Variants in CEACAM5 observed in about 807,000 individuals in gnomAD.
CEACAM5 encodes the protein cell adhesion molecule CEACAM5.
A neutral mutation model predicts 63.0 loss-of-function variants in CEACAM5; 52 were observed. That is an observed-to-expected ratio of 0.83 (90% CI 0.66 to 1.04). The LOEUF (loss-of-function observed/expected upper bound fraction) is 1.04, where lower values mean the gene tolerates loss of function less well. Ranked by LOEUF, CEACAM5 falls within the 50% of genes least tolerant of loss-of-function variation. The probability of loss-of-function intolerance (pLI) is 0.00; values close to 1 mark genes in which losing one functional copy is unlikely to be tolerated. For missense variants in CEACAM5, 790 were observed against 864.8 expected, an observed-to-expected ratio of 0.91 and a Z score of 1.08; for synonymous variants, 357 against 351.3, an observed-to-expected ratio of 1.02 and a Z score of -0.18.
At chr19:41,720,418 C>T (rs1360992745) in intron 7 of CEACAM5, among the ~76,000 whole-genome samples, 3 of 151,892 alleles carry the variant, frequency 2.0e-5, no homozygotes, top group African/African-American at 7.3e-5. Context: ...TCCTAGGAGG[C>T]TCAGAGTCCA....
At chr19:41,726,440 ATGGTTAC>A (rs1355244619) in intron 8 of CEACAM5, among the ~76,000 whole-genome samples, 1 of 152,228 alleles carries the variant, frequency 6.6e-6, no homozygotes, top group Non-Finnish European at 1.5e-5. Context: ...CCACTAGGAC[ATGGTTAC>A]TGGCTAAAAA....
At position 41,720,042 on chromosome 19, in the gene CEACAM5, G is replaced by A. The variant is rs562531881; in HGVS notation, c.1605G>A (p.Trp535Ter). 112 of 1,614,242 alleles carry A rather than the reference G, an allele frequency of 6.9e-5. No homozygotes were observed. The South Asian group carries it at 1.2e-3, about 17-fold the overall frequency. ...CTCAGAACACAACCTACCTGTGGTG[G>A]GTAAATGGTCAGAGCCTCCCAGTCA... The part of the protein sequence containing the change: ...PEAQNTTYLW[W>*]VNGQSLPVSP... The change falls in exon 7 of 10, where the codon TGG (tryptophan) becomes TGA (stop). Residue 535 changes from tryptophan to a stop codon, truncating the protein, a stop_gained. Transcript: ENST00000221992. LOFTEE classifies it high-confidence loss of function.
chr19:41,727,288 G>A lies in CEACAM5; in HGVS notation c.2081G>A (p.Gly694Glu). The A allele has an allele frequency of 6.2e-7, 1 of 1,614,080 alleles. No individual in the cohort carries two copies. The change falls in exon 9 of 10, where the codon GGA (glycine) becomes GAA (glutamate). Residue 694 changes from glycine to glutamate, a missense_variant. By Grantham distance (98) the Gly-to-Glu change is moderately conservative. Coordinates refer to ENST00000221992, the MANE Select transcript of CEACAM5 (RefSeq NM_004363.6). ...SAGATVGIMIGVLVGVALI is the reference protein window; with the variant it reads ...SAGATVGIMIEVLVGVALI The stretch of plus-strand genomic sequence containing the variant: ...GGGGCCACTGTCGGCATCATGATTG[G>A]AGTGCTGGTTGGGGTTGCTCTGATA...
At chr19:41,715,434 A>G in intron 3 of CEACAM5, 185 bp downstream of exon 3, 1 of 1,132,934 alleles carries the variant, frequency 8.8e-7, no homozygotes, top group Non-Finnish European at 1.3e-6. Flanking sequence ...ATAGGAGGGG[A>G]GGGGCTGCTT....
In CEACAM5 at chr19:41,721,036, T is replaced by C. The variant is rs2072613179; in HGVS notation, c.1886T>C (p.Ile629Thr). ...SNPSPQYSWRINGIPQQHTQV... is the reference protein window; with the variant it reads ...SNPSPQYSWRTNGIPQQHTQV... Reference sequence around the variant, plus strand: ...CCATCCCCGCAGTATTCTTGGCGTATCAATGGGATACCGCAGCAACACACA... The same window carrying C: ...CCATCCCCGCAGTATTCTTGGCGTACCAATGGGATACCGCAGCAACACACA... The change falls in exon 8 of 10, where the codon ATC becomes ACC. Residue 629 changes from isoleucine (I) to threonine (T), a missense_variant. Ile to Thr is a moderately conservative substitution (Grantham distance 89). Coordinates refer to ENST00000221992, the MANE Select transcript of CEACAM5 (RefSeq NM_004363.6). 5 of 1,614,094 alleles carry C rather than the reference T, an allele frequency of 3.1e-6. No individual in the cohort carries two copies. The highest frequency in any genetic ancestry group is 4.2e-6 in the Non-Finnish European group (5 of 1,180,050).
chr19:41,713,285 C>CA (rs1291812767), intron 2 of CEACAM5, among the ~76,000 whole-genome samples: 1 of 151,624 alleles, frequency 6.6e-6, no homozygotes, highest in Non-Finnish European at 1.5e-5. Flanking sequence ...AGCCTGGCAA[C>CA]AGAGCGAGAC....
intron 6 of CEACAM5, among the ~76,000 whole-genome samples, chr19:41,719,635 A>G (rs774957123): frequency 6.6e-5 from 10 of 152,206 alleles, no homozygotes; most frequent in Non-Finnish European, 1.2e-4. Context: ...CCATCAGGGA[A>G]GAACCAAAGG....
In CEACAM5 at chr19:41,717,709, G is replaced by T; in HGVS notation, c.1213G>T (p.Asp405Tyr). The T allele has an allele frequency of 6.2e-7, 1 of 1,614,078 alleles. No homozygotes were observed. The highest frequency in any genetic ancestry group is 8.5e-7 in the Non-Finnish European group (1 of 1,179,982). ...IQNELSVDHSDPVILNVLYGP... is the reference protein window; with the variant it reads ...IQNELSVDHSYPVILNVLYGP... ...GAACGAATTAAGTGTTGACCACAGC[G>T]ACCCAGTCATCCTGAATGTCCTCTG... Residue 405 changes from aspartate to tyrosine, a missense_variant, in exon 5 of 10, where the codon GAC (aspartate) becomes TAC (tyrosine). Transcript: ENST00000221992.
chr19:41,709,430 G>C (rs1310264966), intron 1 of CEACAM5, among the ~76,000 whole-genome samples: 1 of 152,102 alleles, frequency 6.6e-6, no homozygotes, highest in Non-Finnish European at 1.5e-5. Flanking sequence ...GAAGGCAATG[G>C]GGAGGGAGCC....
chr19:41,719,005 T>G (rs1405101684), intron 6 of CEACAM5, among the ~76,000 whole-genome samples: 2 of 152,160 alleles, frequency 1.3e-5, no homozygotes, highest in African/African-American at 4.8e-5. Context: ...AGGGTCAGGC[T>G]ACAGGGAAAT....
Position 41,720,981 on chromosome 19 carries a change from C to T in CEACAM5, c.1831C>T (p.Leu611Phe). Residue 611 changes from leucine to phenylalanine, a missense_variant, in exon 8 of 10, where the codon CTC becomes TTC. Leu to Phe is a conservative substitution (Grantham distance 22). Transcript: ENST00000221992. Reference protein sequence around the residue: ...PDSSYLSGANLNLSCHSASNP... With the variant: ...PDSSYLSGANFNLSCHSASNP... ...CTCGTCTTACCTTTCGGGAGCGAAC[C>T]TCAACCTCTCCTGCCACTCGGCCTC... is the stretch of plus-strand genomic sequence containing the variant. 6.2e-7 allele frequency: 1 copy of T among 1,614,090 alleles called. No homozygotes were observed. Among genetic ancestry groups the T allele is most frequent in the Non-Finnish European group, 8.5e-7 (1 of 1,180,020 alleles).
Position 41,717,729 on chromosome 19 carries a change from C to G in CEACAM5, c.1233C>G (p.Val411=). Residue 411 remains valine (V), a synonymous_variant, in exon 5 of 10, where the codon GTC becomes GTG. Coordinates refer to ENST00000221992, the MANE Select transcript of CEACAM5 (RefSeq NM_004363.6). ...VDHSDPVILN[V]LYGPDDPTIS... ...ACAGCGACCCAGTCATCCTGAATGT[C>G]CTCTGTGAGTATCTTCTGTTCCTCT... 6.2e-7 allele frequency: 1 copy of G among 1,613,664 alleles called. No individual in the cohort carries two copies. Among genetic ancestry groups the G allele is most frequent in the Non-Finnish European group, 8.5e-7 (1 of 1,179,634 alleles).
chr19:41,717,982 C>T (rs973254932), intron 5 of CEACAM5, 146 bp from the exon 6 acceptor site: 25 of 1,040,218 alleles, frequency 2.4e-5, no homozygotes, highest in Non-Finnish European at 3.6e-5. Context: ...ATGTCTCAGA[C>T]TCTGGCTAAT....
intron 4 of CEACAM5, 49 bp downstream of exon 4, chr19:41,715,953 T>C: frequency 1.3e-6 from 2 of 1,587,862 alleles, no homozygotes; most frequent in Non-Finnish European, 1.7e-6. Flanking sequence ...GTGGAGTCTG[T>C]CTGGTTTTCA....
intron 1 of CEACAM5, 43 bp from the exon 2 acceptor site, chr19:41,709,637 G>A: frequency 1.9e-6 from 3 of 1,582,630 alleles, no homozygotes; most frequent in South Asian, 2.4e-5. Flanking sequence ...CCACCCTAAT[G>A]CATAGGTCCC....
At chr19:41,714,905 T>C (rs142707493) in intron 2 of CEACAM5, 66 bp from the exon 3 acceptor site, 4 of 1,606,484 alleles carry the variant, frequency 2.5e-6, no homozygotes, top group African/African-American at 2.7e-5. Context: ...CCAACTCTGA[T>C]TGAAAGATGC....
At position 41,729,513 on chromosome 19, in the gene CEACAM5, G is replaced by A. The variant is rs1300402103; in HGVS notation, c.*366G>A. ...AGAAAAGAAAAGAAGACTCTGACCT[G>A]TACTCTTGAATACAAGTTTCTGATA... On this transcript the variant is annotated 3_prime_UTR_variant, in exon 10 of 10. Transcript: ENST00000221992. 1 of 152,064 alleles carries A rather than the reference G, an allele frequency of 6.6e-6. No individual in the cohort carries two copies. Among genetic ancestry groups the A allele is most frequent in the Non-Finnish European group, 1.5e-5 (1 of 68,016 alleles). The allele number at this position is 152,064 out of a possible 1,614,324, so 9.4% of individuals were successfully genotyped here.
chr19:41,728,786 CAA>C (rs55647539), intron 9 of CEACAM5, among the ~76,000 whole-genome samples: 46 of 73,280 alleles, frequency 6.3e-4, no homozygotes, highest in African/African-American at 1.6e-3. Flanking sequence ...GACTCCGTCT[CAA>C]AAAAAAAAAA....
intron 4 of CEACAM5, 107 bp downstream of exon 4, chr19:41,716,011 C>G (rs1230706274): frequency 1.5e-6 from 2 of 1,307,146 alleles, no homozygotes; most frequent in Non-Finnish European, 2.1e-6. Context: ...GTCCAGTGGG[C>G]ACAAGCAAAT....
Sources: gnomAD v4.1 joint callset for allele counts (sites outside exome capture counted in the v4.1 genomes callset) on GRCh38, gnomAD v4.1.1 for gene constraint, MANE v1.5 for transcripts, NCBI Gene and HGNC (gene_info 2026-07-23, HGNC 2026-07-21) for gene names.